The following ACSM3 variants were observed in gnomAD, a reference collection of about 807,000 sequenced individuals.
ACSM3 encodes acyl-CoA synthetase medium chain family member 3, also known as acyl-coenzyme A synthetase ACSM3, mitochondrial.
Under a neutral mutation model 74.1 loss-of-function variants are expected in ACSM3, and 61 were observed. That is an observed-to-expected ratio of 0.82 (90% CI 0.67 to 1.02). The LOEUF is 1.02. Among genes scored for constraint, ACSM3 ranks in the 50% least tolerant of loss-of-function variants. The pLI is 0.00. For synonymous variants in ACSM3, 213 were observed against 241.5 expected, an observed-to-expected ratio of 0.88 and a Z score of 1.09; for missense variants, 660 against 697.0, an observed-to-expected ratio of 0.95 and a Z score of 0.60.
chr16:20,749,724 T>C (rs1328063573), intron 1 of ACSM3: 1 of 152,286 alleles, frequency 6.6e-6, no homozygotes, highest in Non-Finnish European at 1.5e-5. Context: ...ATCAAATGGA[T>C]CTTCAGAAGT....
At chr16:20,718,801 T>G (rs9940270) in intron 1 of ACSM3, among the ~76,000 whole-genome samples, 93,756 of 151,986 alleles carry the variant, frequency 0.62, 30,079 homozygotes, top group Non-Finnish European at 0.72. Flanking sequence ...ATCCTAAGTT[T>G]TCACGTTACC....
chr16:20,745,343 T>C (rs2152427959), intron 1 of ACSM3, among the ~76,000 whole-genome samples: 1 of 152,216 alleles, frequency 6.6e-6, no homozygotes, highest in East Asian at 1.9e-4. Flanking sequence ...CCCAGCACTT[T>C]GGGAGGCCAA....
At chr16:20,712,757 A>C (rs897942939) in intron 1 of ACSM3, among the ~76,000 whole-genome samples, 1 of 151,258 alleles carries the variant, frequency 6.6e-6, no homozygotes, top group African/African-American at 2.4e-5. Flanking sequence ...AAAAAAAAGT[A>C]CAAAAATTAG....
At chr16:20,718,095 G>A (rs1239178504) in intron 1 of ACSM3, among the ~76,000 whole-genome samples, 1 of 151,374 alleles carries the variant, frequency 6.6e-6, no homozygotes. Flanking sequence ...AGTCCCTCAA[G>A]GAGAAGGAAA....
chr16:20,783,309 C>T (rs1413787193), intron 7 of ACSM3: 1 of 152,174 alleles, frequency 6.6e-6, no homozygotes, highest in Non-Finnish European at 1.5e-5. Context: ...GGGCCAGGAA[C>T]CCAGGATGAA....
chr16:20,770,353 T>A, intron 2 of ACSM3, 100 bp downstream of exon 2: 1 of 1,060,346 alleles, frequency 9.4e-7, no homozygotes, highest in Non-Finnish European at 1.4e-6. Context: ...GTTGCCATGA[T>A]AGGGGCAGAG....
chr16:20,691,122 C>T (rs761672390), intron 1 of ACSM3: 2 of 1,613,438 alleles, frequency 1.2e-6, no homozygotes, highest in Admixed American at 3.3e-5. Flanking sequence ...TGTGAAGGGG[C>T]AGGGTGGATG....
chr16:20,780,714 A>T lies in ACSM3; in HGVS notation c.639A>T (p.Lys213Asn), dbSNP rs932377665. The T allele has an allele frequency of 2.5e-6, 4 of 1,614,188 alleles. No homozygotes were observed. Among genetic ancestry groups the T allele is most frequent in the Non-Finnish European group, 3.4e-6 (4 of 1,180,026 alleles). The change falls in exon 5 of 14, where the codon AAA (lysine) becomes AAT (asparagine). Residue 213 changes from lysine to asparagine, a missense_variant and splice_region_variant. Lys to Asn is a moderately conservative substitution (Grantham distance 94, BLOSUM62 0). Transcript: ENST00000289416. ...AGTCATTGTAGTTTTTCCTTTGCAG[A>T]CATGCCAGTGACAGCCACACCTGTG... ...EGWGNLKELMKHASDSHTCVK... is the reference protein window; with the variant it reads ...EGWGNLKELMNHASDSHTCVK...
chr16:20,753,747 G>T (rs1284286810), intron 2 of ACSM3, among the ~76,000 whole-genome samples: 1 of 152,016 alleles, frequency 6.6e-6, no homozygotes, highest in Non-Finnish European at 1.5e-5. Context: ...GTAATGAAGA[G>T]GTGGAGGGAG....
At chr16:20,794,808 A>G (rs2080685089) in intron 12 of ACSM3, among the ~76,000 whole-genome samples, 1 of 152,246 alleles carries the variant, frequency 6.6e-6, no homozygotes, top group Non-Finnish European at 1.5e-5. Flanking sequence ...GTCCAACATT[A>G]CACAACAAAC....
intron 1 of ACSM3, among the ~76,000 whole-genome samples, chr16:20,733,288 CTGAT>C (rs571359285): frequency 1.4e-4 from 21 of 151,884 alleles, no homozygotes; most frequent in Admixed American, 5.9e-4. Flanking sequence ...TATCTTGTGC[CTGAT>C]TAATTCAAAA....
At chr16:20,717,919 AAGGAGG>A (rs1369282493) in intron 1 of ACSM3, among the ~76,000 whole-genome samples, 1 of 132,450 alleles carries the variant, frequency 7.6e-6, no homozygotes. Flanking sequence ...AAAGAAGAAG[AAGGAGG>A]AGAAGGAGAA....
chr16:20,790,769 C>T lies in ACSM3; in HGVS notation c.1326+81C>T. 3 of 1,613,244 alleles carry T rather than the reference C, an allele frequency of 1.9e-6. No individual in the cohort carries two copies. Among genetic ancestry groups the T allele is most frequent in the Non-Finnish European group, 2.5e-6 (3 of 1,179,432 alleles). ...CAATCCCTGTTTGCCACAAAACATACCTAGGATAGGTACTTGACCCTTTCT... is the reference window on the plus strand; with the variant it reads ...CAATCCCTGTTTGCCACAAAACATATCTAGGATAGGTACTTGACCCTTTCT... On this transcript the variant is annotated intron_variant, in intron 10 of 13. Coordinates refer to ENST00000289416, the MANE Select transcript of ACSM3 (RefSeq NM_005622.4). This position sits in a 1 kb window ranked among gnomAD's most constrained non-coding sequence, Gnocchi z 4.0.
intron 1 of ACSM3, among the ~76,000 whole-genome samples, chr16:20,720,134 G>A (rs1252022025): frequency 6.6e-6 from 1 of 152,162 alleles, no homozygotes; most frequent in African/African-American, 2.4e-5. Context: ...CTGGTTTCAT[G>A]GAAGACCATT....
chr16:20,736,851 G>A (rs1481532993), intron 1 of ACSM3: 4 of 1,604,032 alleles, frequency 2.5e-6, no homozygotes, highest in South Asian at 2.2e-5. Context: ...CCCCAGGTGA[G>A]AAACCCACCT....
chr16:20,745,961 T>C (rs1317752596), intron 1 of ACSM3, among the ~76,000 whole-genome samples: 1 of 152,188 alleles, frequency 6.6e-6, no homozygotes, highest in Non-Finnish European at 1.5e-5. Context: ...CCAGTCTCCT[T>C]CTGACTTGAT....
At chr16:20,784,863 TAGGGAG>T in intron 7 of ACSM3, 115 bp from the exon 8 acceptor site, 1 of 1,062,454 alleles carries the variant, frequency 9.4e-7, no homozygotes, top group Non-Finnish European at 1.3e-6. Context: ...TGTTTTGTGC[TAGGGAG>T]AGGAATTAAA....
upstream of ACSM3, among the ~76,000 whole-genome samples, chr16:20,763,176 T>C (rs184517677): frequency 4.6e-5 from 7 of 152,344 alleles, no homozygotes; most frequent in East Asian, 1.2e-3. Flanking sequence ...TGCCAGTAGC[T>C]ATTCCAGGCA....
chr16:20,775,695 C>T, intron 2 of ACSM3, 144 bp from the exon 3 acceptor site: 1 of 777,328 alleles, frequency 1.3e-6, no homozygotes, highest in South Asian at 1.7e-5. Flanking sequence ...GATGTCTCCC[C>T]CAGAGTTATT....
Sources: gnomAD v4.1 joint callset for allele counts (sites outside exome capture counted in the v4.1 genomes callset) on GRCh38, gnomAD v4.1.1 for gene constraint, Gnocchi (gnomAD v3.1) non-coding constraint, MANE v1.5 for transcripts, NCBI Gene and HGNC (gene_info 2026-07-23, HGNC 2026-07-21) for gene names.